Variants in TRERF1 observed in about 807,000 individuals in gnomAD.
TRERF1 encodes the protein transcriptional regulating factor 1.
A neutral mutation model predicts 122.9 loss-of-function variants in TRERF1; 27 were observed. That is an observed-to-expected ratio of 0.22 (90% confidence interval 0.16 to 0.30). TRERF1 has a LOEUF of 0.30. Ranked by LOEUF, TRERF1 falls within the 10% of genes least tolerant of loss-of-function variation. The pLI is 1.00. For missense variants in TRERF1, 1,248 were observed against 1,560.3 expected (o/e 0.80, Z 3.37); for synonymous variants, 636 against 641.7 (o/e 0.99, Z 0.13).
chr6:42,288,035 C>T (rs1783579220), intron 4 of TRERF1, among the ~76,000 whole-genome samples: 1 of 151,954 alleles, frequency 6.6e-6, no homozygotes, highest in African/African-American at 2.4e-5. Context: ...TCCCATTCTC[C>T]ACCTTCTCAG....
intron 3 of TRERF1, among the ~76,000 whole-genome samples, chr6:42,319,789 G>C (rs1763083098): frequency 1.4e-5 from 2 of 147,158 alleles, no homozygotes; most frequent in African/African-American, 5.1e-5. Context: ...CTCCAGCCTG[G>C]GTGACAGAGT....
chr6:42,348,013 C>G (rs1313465906), intron 3 of TRERF1, among the ~76,000 whole-genome samples: 1 of 152,212 alleles, frequency 6.6e-6, no homozygotes, highest in East Asian at 1.9e-4. Flanking sequence ...CCTATCCACG[C>G]ATCTTTGGCT....
At chr6:42,361,414 G>GTTGTTTT (rs142038273) in intron 3 of TRERF1, among the ~76,000 whole-genome samples, 5,648 of 152,202 alleles carry the variant, frequency 0.037, 270 homozygotes, top group East Asian at 0.24. Context: ...TTTGTTTTAT[G>GTTGTTTT]TTGTTTTTTG....
intron 17 of TRERF1, among the ~76,000 whole-genome samples, chr6:42,230,072 T>C (rs1262969601): frequency 6.6e-6 from 1 of 152,158 alleles, no homozygotes; most frequent in Non-Finnish European, 1.5e-5. Flanking sequence ...TACTCTTTAG[T>C]CACTTCTGAG....
At chr6:42,419,388 A>G (rs1001774928) in intron 2 of TRERF1, among the ~76,000 whole-genome samples, 3 of 151,762 alleles carry the variant, frequency 2.0e-5, no homozygotes, top group Non-Finnish European at 4.4e-5. Flanking sequence ...TTCTGAAATC[A>G]GGCAGCCTGT....
intron 14 of TRERF1, 42 bp downstream of exon 14, chr6:42,246,414 C>A: frequency 7.0e-7 from 1 of 1,429,640 alleles, no homozygotes; most frequent in South Asian, 1.3e-5. Flanking sequence ...TACAATTTCC[C>A]AAATTTAATT....
At chr6:42,354,343 TTC>T (rs769213074) in intron 3 of TRERF1, among the ~76,000 whole-genome samples, 2 of 152,174 alleles carry the variant, frequency 1.3e-5, no homozygotes, top group Non-Finnish European at 1.5e-5. Context: ...TAAAGATTAA[TTC>T]TGTCATATTA....
chr6:42,258,689 C>A (rs906642384), intron 9 of TRERF1, among the ~76,000 whole-genome samples: 8 of 152,198 alleles, frequency 5.3e-5, no homozygotes, highest in African/African-American at 1.9e-4. Context: ...ATTCTCCTGC[C>A]TCAGTCTCCT....
At chr6:42,342,967 G>A (rs1767575499) in intron 3 of TRERF1, among the ~76,000 whole-genome samples, 1 of 152,154 alleles carries the variant, frequency 6.6e-6, no homozygotes, top group Non-Finnish European at 1.5e-5. Context: ...CCTCTCTGGG[G>A]CCAGGTACTC....
At chr6:42,302,547 T>A (rs1011645985) in intron 3 of TRERF1, among the ~76,000 whole-genome samples, 1 of 152,218 alleles carries the variant, frequency 6.6e-6, no homozygotes, top group African/African-American at 2.4e-5. Flanking sequence ...CATCTGCAAT[T>A]TTGGAGTTTG....
intron 3 of TRERF1, among the ~76,000 whole-genome samples, chr6:42,353,261 C>T (rs1769825561): frequency 6.6e-6 from 1 of 151,952 alleles, no homozygotes; most frequent in African/African-American, 2.4e-5. Context: ...AAAGTATACA[C>T]CAGAGTTGTT....
chr6:42,272,639 T>C (rs1328737277), intron 4 of TRERF1, among the ~76,000 whole-genome samples: 1 of 152,056 alleles, frequency 6.6e-6, no homozygotes, highest in Non-Finnish European at 1.5e-5. Context: ...AGGTGAGGCA[T>C]AATTAAGACC....
chr6:42,279,500 C>A (rs1018383998), intron 4 of TRERF1, among the ~76,000 whole-genome samples: 5 of 152,266 alleles, frequency 3.3e-5, no homozygotes, highest in African/African-American at 9.6e-5. Context: ...GGAGATCTGA[C>A]CCCCTTGGCC....
intron 4 of TRERF1, among the ~76,000 whole-genome samples, chr6:42,283,404 T>C (rs527348099): frequency 3.9e-5 from 6 of 152,138 alleles, no homozygotes; most frequent in Non-Finnish European, 8.8e-5. Flanking sequence ...GTATTTATAA[T>C]TGATATATAT....
chr6:42,295,938 C>A (rs969838643), intron 4 of TRERF1, among the ~76,000 whole-genome samples: 7 of 152,094 alleles, frequency 4.6e-5, no homozygotes, highest in African/African-American at 1.7e-4. Context: ...TACAAGAGGG[C>A]GTGAAAAGTG....
chr6:42,403,681 A>G (rs1779744847), intron 2 of TRERF1, among the ~76,000 whole-genome samples: 1 of 152,238 alleles, frequency 6.6e-6, no homozygotes, highest in Non-Finnish European at 1.5e-5. Flanking sequence ...GGCAAGGTCC[A>G]GGCAGGCTGT....
At chr6:42,441,145 C>T (rs1435063296) in intron 2 of TRERF1, among the ~76,000 whole-genome samples, 2 of 152,174 alleles carry the variant, frequency 1.3e-5, no homozygotes, top group Non-Finnish European at 2.9e-5. Flanking sequence ...AATCCCAACC[C>T]TGGAGCACAA....
intron 16 of TRERF1, among the ~76,000 whole-genome samples, chr6:42,234,198 G>A (rs889889385): frequency 3.9e-5 from 6 of 152,176 alleles, no homozygotes; most frequent in African/African-American, 1.4e-4. Context: ...ATAAAGGGGT[G>A]TAAATCCATA....
chr6:42,309,797 T>C (rs1787919745), intron 3 of TRERF1, among the ~76,000 whole-genome samples: 1 of 152,230 alleles, frequency 6.6e-6, no homozygotes. Flanking sequence ...TATTTTGTTT[T>C]ATTTATTGAG....
Sources: allele counts gnomAD v4.1 joint callset (sites outside exome capture counted in the v4.1 genomes callset), GRCh38; gene constraint gnomAD v4.1.1; transcripts MANE v1.5; gene names NCBI Gene and HGNC (gene_info 2026-07-23, HGNC 2026-07-21).